Variants in PYHIN1 observed in about 807,000 individuals in gnomAD.
The protein encoded by PYHIN1 is pyrin and HIN domain-containing protein 1.
PYHIN1 carries 32 observed loss-of-function variants against 43.7 expected under a neutral mutation model. The observed-to-expected ratio is 0.73, with a 90% confidence interval of 0.55 to 0.98. The LOEUF (loss-of-function observed/expected upper bound fraction) is 0.98, where lower values mean the gene tolerates loss of function less well. PYHIN1 is among the 50% of genes least tolerant of loss of function. PYHIN1 has a pLI of 0.00. For missense variants in PYHIN1, 588 were observed against 589.5 expected, an observed-to-expected ratio of 1.00 and a Z score of 0.03; for synonymous variants, 205 against 203.1, an observed-to-expected ratio of 1.01 and a Z score of -0.08.
intron 1 of PYHIN1, among the ~76,000 whole-genome samples, chr1:158,934,554 G>C (rs761621167): frequency 6.6e-6 from 1 of 151,546 alleles, no homozygotes; most frequent in Non-Finnish European, 1.5e-5. Context: ...ATGTTCTTCA[G>C]TTTCACTATA....
downstream of PYHIN1, among the ~76,000 whole-genome samples, chr1:158,977,749 G>GA (rs1651345870): frequency 6.6e-6 from 1 of 151,974 alleles, no homozygotes; most frequent in African/African-American, 2.4e-5. Context: ...CATATATAAA[G>GA]AAAAAAGGGC....
At chr1:158,939,367 G>A in intron 4 of PYHIN1, 120 bp downstream of exon 4, 1 of 1,603,618 alleles carries the variant, frequency 6.2e-7, no homozygotes, top group Non-Finnish European at 8.5e-7. Flanking sequence ...TGTATAGACT[G>A]AGAATTCACT....
chr1:158,962,287 A>G (rs1320177764), intron 7 of PYHIN1, among the ~76,000 whole-genome samples: 3 of 151,946 alleles, frequency 2.0e-5, no homozygotes, highest in Admixed American at 2.0e-4. Context: ...TAGCATCTCT[A>G]TACTTCCCTG....
intron 7 of PYHIN1, among the ~76,000 whole-genome samples, chr1:158,970,180 T>A (rs895515412): frequency 6.6e-6 from 1 of 151,984 alleles, no homozygotes; most frequent in African/African-American, 2.4e-5. Flanking sequence ...GAAATTACTA[T>A]GAGGAAAATA....
Position 158,938,520 on chromosome 1 carries a change from C to G in PYHIN1, c.389C>G (p.Ala130Gly), listed in dbSNP as rs981619976. 4 of 1,614,082 alleles carry G rather than the reference C, an allele frequency of 2.5e-6. No homozygotes were observed. Among genetic ancestry groups the G allele is most frequent in the African/African-American group, 2.7e-5 (2 of 74,944 alleles). Residue 130 changes from alanine to glycine, a missense_variant, in exon 3 of 9, where the codon GCA becomes GGA. Ala to Gly is a moderately conservative substitution (Grantham distance 60). Coordinates refer to ENST00000368140, the MANE Select transcript of PYHIN1 (RefSeq NM_152501.5). Reference protein sequence around the residue: ...TPSNRLTAKGAEETLGPQKRK... With the variant: ...TPSNRLTAKGGEETLGPQKRK... ...AGCAACCGTCTCACAGCTAAAGGAG[C>G]AGAGGAGACTCTTGGACCTCAGGTA...
rs1268400823 is a variant in PYHIN1 at position 158,969,462 on chromosome 1, C to T, written c.1360-4185C>T. ...TCTGACCAACCTTCTTTCTGCATCACTAATACATGTGTACCAGTTGAAGAC... is the reference window on the plus strand; with the variant it reads ...TCTGACCAACCTTCTTTCTGCATCATTAATACATGTGTACCAGTTGAAGAC... On this transcript the variant is annotated intron_variant, in intron 7 of 8. Transcript: ENST00000368140. 3.9e-5 allele frequency among the ~76,000 whole-genome samples: 6 copies of T among 152,082 alleles called. No individual in the cohort carries two copies. The East Asian group carries it at 9.7e-4, about 24-fold the overall frequency.
the PYHIN1 span, among the ~76,000 whole-genome samples, chr1:158,984,865 A>C: frequency 6.6e-6 from 1 of 152,032 alleles, no homozygotes; most frequent in East Asian, 1.9e-4. Flanking sequence ...AGGATAGTTA[A>C]GTCTTGTTTG....
In PYHIN1 at chr1:158,938,442, C is replaced by T. The variant is rs764838755; in HGVS notation, c.311C>T (p.Ser104Phe). Residue 104 changes from serine to phenylalanine, a missense_variant, in exon 3 of 9, where the codon TCT becomes TTT. Physicochemically the swap from Ser to Phe is radical, Grantham distance 155 (BLOSUM62 -2). Transcript: ENST00000368140. ...ESIPVKGIIPSKKTKQKEVYP... is the reference protein window; with the variant it reads ...ESIPVKGIIPFKKTKQKEVYP... ...ATTCCAGTCAAAGGAATAATCCCAT[C>T]TAAAAAGACGAAACAGAAAGAAGTG... The T allele has an allele frequency of 1.2e-6, 2 of 1,614,202 alleles. No homozygotes were observed. The highest frequency in any genetic ancestry group is 1.3e-5 in the African/African-American group (1 of 75,060).
At position 158,941,918 on chromosome 1, in the gene PYHIN1, C is replaced by T. The variant is rs1648938089; in HGVS notation, c.580-59C>T. 6.1e-6 allele frequency: 9 copies of T among 1,472,920 alleles called. 1 individual carries two copies. Among genetic ancestry groups the T allele is most frequent in the East Asian group, 4.7e-5 (2 of 42,656 alleles). The allele number at this position is 1,472,920 out of a possible 1,614,324, so 91.2% of individuals were successfully genotyped here. A position where few individuals can be genotyped will look rare whatever the true frequency, so the allele number is the denominator to read the frequency against. On this transcript the variant is annotated intron_variant, in intron 4 of 8. Transcript: ENST00000368140. ...GTTGTGCCTTGAGGTCACTGAAGAG[C>T]AATTCTGTATTCCTCACTCAAAAAT...
intron 7 of PYHIN1, among the ~76,000 whole-genome samples, chr1:158,956,298 C>CA (rs962419807): frequency 8.4e-4 from 128 of 151,904 alleles, no homozygotes; most frequent in African/African-American, 3.0e-3. Flanking sequence ...GAGACACAAC[C>CA]AAAAAAGAGA....
At position 158,976,868 on chromosome 1, in the gene PYHIN1, CTATATATATATATATATATATA is replaced by C. The variant is rs145640162; in HGVS notation, c.*200_*221del. On this transcript the variant is annotated 3_prime_UTR_variant, in exon 9 of 9. Coordinates refer to ENST00000368140, the MANE Select transcript of PYHIN1 (RefSeq NM_152501.5). ...TATGTATATATATCTGGTTGAAATA[CTATATATATATATATATATATA>C]TATATATATATATATATATATATAT... 6,136 of 231,914 alleles carry C rather than the reference CTATATATATATATATATATATA, an allele frequency of 0.026. 496 individuals are homozygous for C. Among genetic ancestry groups the C allele is most frequent in the African/African-American group, 0.15 (5,265 of 34,432 alleles). 14.4% of individuals were successfully genotyped at this position (231,914 alleles called of 1,614,324 possible). A position where few individuals can be genotyped will look rare whatever the true frequency, so the allele number is the denominator to read the frequency against.
chr1:158,965,595 C>T (rs1650586692), intron 7 of PYHIN1, among the ~76,000 whole-genome samples: 1 of 152,014 alleles, frequency 6.6e-6, no homozygotes, highest in African/African-American at 2.4e-5. Flanking sequence ...GAAAATGGCT[C>T]CAACCATACA....
chr1:158,964,770 A>T (rs772942936), intron 7 of PYHIN1, among the ~76,000 whole-genome samples: 3 of 152,216 alleles, frequency 2.0e-5, no homozygotes, highest in Non-Finnish European at 2.9e-5. Flanking sequence ...ACATTACCAG[A>T]CACTACAGAA....
In PYHIN1 at chr1:158,953,733, G is replaced by A. The variant is rs558676530; in HGVS notation, c.1359+8691G>A. ...AGAAACGCAGTTCCTCACCAGCAAC[G>A]GAACAAAGCTGGATGGAGAATGACT... On this transcript the variant is annotated intron_variant, in intron 7 of 8. Coordinates refer to ENST00000368140, the MANE Select transcript of PYHIN1 (RefSeq NM_152501.5). Among the ~76,000 whole-genome samples, 43 of 152,280 alleles carry A rather than the reference G, an allele frequency of 2.8e-4. No individual in the cohort carries two copies. The East Asian group carries it at 3.1e-3, about 11-fold the overall frequency.
rs1649079473 is a variant in PYHIN1, at chr1:158,944,051, C to T, written c.1191+73C>T. 4.6e-6 allele frequency: 6 copies of T among 1,312,968 alleles called. No homozygotes were observed. In the Admixed American group the frequency reaches 6.9e-5, roughly 15 times the overall value. The allele number at this position is 1,312,968 out of a possible 1,614,324, so 81.3% of individuals were successfully genotyped here. ...TTGCTTTAAGTTTTAGGAAGCCATACTTCTGTTGTTTTACACTTAAAATTC... is the reference window on the plus strand; with the variant it reads ...TTGCTTTAAGTTTTAGGAAGCCATATTTCTGTTGTTTTACACTTAAAATTC... On this transcript the variant is annotated intron_variant, in intron 6 of 8. Transcript: ENST00000368140.
chr1:158,980,448 A>G (rs1651448396), downstream of PYHIN1, among the ~76,000 whole-genome samples: 1 of 152,184 alleles, frequency 6.6e-6, no homozygotes, highest in Admixed American at 6.6e-5. Flanking sequence ...ATGGATGTGC[A>G]AGTAGGAAAG....
intron 4 of PYHIN1, chr1:158,939,581 C>A (rs573059390): frequency 7.0e-7 from 1 of 1,429,412 alleles, no homozygotes; most frequent in Non-Finnish European, 9.6e-7. Context: ...GTTTCTCTGA[C>A]ATACACCATG....
At chr1:158,946,063 CTAA>C (rs1473766608) in intron 7 of PYHIN1, among the ~76,000 whole-genome samples, 2 of 152,194 alleles carry the variant, frequency 1.3e-5, no homozygotes, top group African/African-American at 2.4e-5. Context: ...TTGAGATATA[CTAA>C]TGTCAGCAAT....
intron 7 of PYHIN1, among the ~76,000 whole-genome samples, chr1:158,971,671 T>A (rs1650939094): frequency 6.6e-6 from 1 of 152,046 alleles, no homozygotes; most frequent in African/African-American, 2.4e-5. Context: ...TTTGTGTATT[T>A]GCTTGATGAA....
Sources: allele counts gnomAD v4.1 joint callset (sites outside exome capture counted in the v4.1 genomes callset), GRCh38; gene constraint gnomAD v4.1.1; transcripts MANE v1.5; gene names NCBI Gene and HGNC (gene_info 2026-07-23, HGNC 2026-07-21).